Variants in CHD7 observed in about 807,000 individuals in gnomAD.
CHD7 encodes ATP-dependent chromatin remodeler CHD7.
A neutral mutation model predicts 307.3 loss-of-function variants in CHD7; 24 were observed. The ratio of observed to expected loss-of-function variants is 0.08; its 90% CI spans 0.06 to 0.11. The LOEUF is 0.11. Among genes scored for constraint, CHD7 ranks in the 10% least tolerant of loss-of-function variants. The pLI is 1.00. For synonymous variants in CHD7, 1,363 were observed against 1,349.9 expected, an observed-to-expected ratio of 1.01 and a Z score of -0.21; for missense variants, 3,106 against 3,727.1, an observed-to-expected ratio of 0.83 and a Z score of 4.34.
At chr8:60,790,168 G>A (rs1238425724) in intron 3 of CHD7, among the ~76,000 whole-genome samples, 1 of 152,180 alleles carries the variant, frequency 6.6e-6, no homozygotes, top group Non-Finnish European at 1.5e-5. Context: ...AGGAGCAGAT[G>A]GCTCTATATC....
chr8:60,686,923 A>G, intron 1 of CHD7, among the ~76,000 whole-genome samples: 1 of 152,206 alleles, frequency 6.6e-6, no homozygotes, highest in East Asian at 1.9e-4. Flanking sequence ...AAGAAACCAC[A>G]AACATTTTAT....
intron 1 of CHD7, among the ~76,000 whole-genome samples, chr8:60,717,228 T>C (rs551867382): frequency 1.3e-5 from 2 of 152,352 alleles, no homozygotes; most frequent in East Asian, 1.9e-4. Flanking sequence ...GTTGGAATTA[T>C]AGTGATTTGC....
At chr8:60,786,768 A>G (rs937953868) in intron 3 of CHD7, among the ~76,000 whole-genome samples, 20 of 152,216 alleles carry the variant, frequency 1.3e-4, no homozygotes, top group African/African-American at 4.8e-4. Context: ...CTTTTATTTA[A>G]ATAAGTCTAT....
intron 14 of CHD7, 84 bp downstream of exon 14, chr8:60,828,890 T>C (rs1804373245): frequency 7.8e-7 from 1 of 1,281,920 alleles, no homozygotes; most frequent in South Asian, 1.3e-5. Context: ...TATTTTAAAG[T>C]GTGATTATAT....
intron 31 of CHD7, 32 bp downstream of exon 31, chr8:60,853,532 C>G (rs764405637): frequency 6.8e-7 from 1 of 1,471,976 alleles, no homozygotes; most frequent in Non-Finnish European, 9.0e-7. Flanking sequence ...CTCTCCTGAC[C>G]CTGCAGCAGC....
At chr8:60,746,084 G>C (rs1809308301) in intron 2 of CHD7, among the ~76,000 whole-genome samples, 1 of 151,944 alleles carries the variant, frequency 6.6e-6, no homozygotes. Context: ...TGCCAGGCTG[G>C]AGTCAGTGGC....
intron 1 of CHD7, among the ~76,000 whole-genome samples, chr8:60,716,885 A>G (rs983161644): frequency 6.6e-6 from 1 of 152,214 alleles, no homozygotes; most frequent in Non-Finnish European, 1.5e-5. Flanking sequence ...ACTTTTTGGC[A>G]TAGTATAGCC....
At chr8:60,716,438 T>A (rs1184909124) in intron 1 of CHD7, among the ~76,000 whole-genome samples, 1 of 152,238 alleles carries the variant, frequency 6.6e-6, no homozygotes, top group Non-Finnish European at 1.5e-5. Context: ...GTCCTTTAGA[T>A]GCTCAGGTGC....
intron 1 of CHD7, among the ~76,000 whole-genome samples, chr8:60,730,211 C>G (rs1808370295): frequency 6.6e-6 from 1 of 152,166 alleles, no homozygotes; most frequent in African/African-American, 2.4e-5. Flanking sequence ...CAGTACATGA[C>G]TCTCTGGAGG....
intron 2 of CHD7, among the ~76,000 whole-genome samples, chr8:60,755,637 CTAAA>C (rs1181932575): frequency 6.6e-6 from 1 of 151,972 alleles, no homozygotes; most frequent in Non-Finnish European, 1.5e-5. Context: ...AATATGTTTA[CTAAA>C]TATTGTGTAT....
chr8:60,691,709 C>T (rs1054813122), intron 1 of CHD7, among the ~76,000 whole-genome samples: 2 of 152,172 alleles, frequency 1.3e-5, no homozygotes, highest in Admixed American at 6.5e-5. Flanking sequence ...AGTTGTTTTG[C>T]GGAAATAATG....
At chr8:60,786,639 C>T (rs1437110121) in intron 3 of CHD7, among the ~76,000 whole-genome samples, 2 of 152,172 alleles carry the variant, frequency 1.3e-5, no homozygotes, top group Non-Finnish European at 1.5e-5. Context: ...TCTGGAGACA[C>T]ATTCCTTGAA....
intron 16 of CHD7, among the ~76,000 whole-genome samples, chr8:60,836,569 T>C (rs147847471): frequency 1.3e-5 from 2 of 152,236 alleles, no homozygotes; most frequent in African/African-American, 4.8e-5. Context: ...CTTACTGTTA[T>C]AGGTGTCAGC....
At chr8:60,713,923 C>T (rs1040958494) in intron 1 of CHD7, among the ~76,000 whole-genome samples, 8 of 152,132 alleles carry the variant, frequency 5.3e-5, no homozygotes, top group South Asian at 2.1e-4. Context: ...CTTCTCCTCC[C>T]GCTCCCACTC....
intron 2 of CHD7, among the ~76,000 whole-genome samples, chr8:60,758,558 A>T (rs1163509164): frequency 6.6e-6 from 1 of 152,224 alleles, no homozygotes; most frequent in East Asian, 1.9e-4. Flanking sequence ...ATATTTTATT[A>T]TTGTAAATAA....
intron 2 of CHD7, among the ~76,000 whole-genome samples, chr8:60,769,096 CT>C (rs752637263): frequency 1.3e-5 from 2 of 152,048 alleles, no homozygotes; most frequent in African/African-American, 2.4e-5. Context: ...AGTATAAATC[CT>C]TTTGTAATAG....
At chr8:60,724,814 G>A (rs1215025329) in intron 1 of CHD7, among the ~76,000 whole-genome samples, 4 of 152,038 alleles carry the variant, frequency 2.6e-5, no homozygotes, top group Non-Finnish European at 5.9e-5. Flanking sequence ...TTTTAATAAA[G>A]GCCAATAAAA....
At chr8:60,859,316 T>G (rs1805856641) in intron 34 of CHD7, among the ~76,000 whole-genome samples, 1 of 152,118 alleles carries the variant, frequency 6.6e-6, no homozygotes, top group Non-Finnish European at 1.5e-5. Flanking sequence ...ATCCTAGAAT[T>G]TAGTATTTTG....
chr8:60,813,557 A>C (rs908705971), intron 7 of CHD7, among the ~76,000 whole-genome samples: 1 of 152,218 alleles, frequency 6.6e-6, no homozygotes, highest in Non-Finnish European at 1.5e-5. Flanking sequence ...ATGTGTTAAC[A>C]AAATACCTAT....
Sources: gnomAD v4.1 joint callset for allele counts (sites outside exome capture counted in the v4.1 genomes callset) on GRCh38, gnomAD v4.1.1 for gene constraint, MANE v1.5 for transcripts, NCBI Gene and HGNC (gene_info 2026-07-23, HGNC 2026-07-21) for gene names.